TMEM38A: variants seen among roughly 807,000 people sequenced by gnomAD.
TMEM38A encodes the protein transmembrane protein 38A.
Under a neutral mutation model 28.6 loss-of-function variants are expected in TMEM38A, and 17 were observed. That is an observed-to-expected ratio of 0.60 (90% CI 0.41 to 0.89). TMEM38A has a LOEUF of 0.89. Among genes scored for constraint, TMEM38A ranks in the 40% least tolerant of loss-of-function variants. The probability of loss-of-function intolerance (pLI) is 0.00; values close to 1 mark genes in which losing one functional copy is unlikely to be tolerated. For missense variants in TMEM38A, 328 were observed against 393.1 expected, an observed-to-expected ratio of 0.83 and a Z score of 1.40; for synonymous variants, 169 against 166.1, an observed-to-expected ratio of 1.02 and a Z score of -0.14.
intron 4 of TMEM38A, among the ~76,000 whole-genome samples, chr19:16,683,978 A>G (rs1241011958): frequency 6.6e-6 from 1 of 151,382 alleles, no homozygotes; most frequent in Non-Finnish European, 1.5e-5. Flanking sequence ...CTCAAAAAAA[A>G]AAAATTAACT....
chr19:16,685,083 T>TAAATAAATAAATAAATAAAA (rs1568317222), intron 4 of TMEM38A, among the ~76,000 whole-genome samples: 3 of 149,342 alleles, frequency 2.0e-5, no homozygotes, highest in African/African-American at 4.9e-5. Flanking sequence ...AATAAATAAA[T>TAAATAAATAAATAAATAAAA]AAAACGAAAT....
intron 1 of TMEM38A, among the ~76,000 whole-genome samples, chr19:16,673,932 G>GA (rs112749120): frequency 1.2e-3 from 171 of 139,652 alleles, no homozygotes; most frequent in Middle Eastern, 3.8e-3. Flanking sequence ...TACAAAAAAA[G>GA]AAAAAAAAAA....
At chr19:16,681,965 T>C (rs775525914) in intron 3 of TMEM38A, among the ~76,000 whole-genome samples, 1 of 152,180 alleles carries the variant, frequency 6.6e-6, no homozygotes, top group African/African-American at 2.4e-5. Flanking sequence ...GTCTTCTTAT[T>C]GTCTCTCCAG....
intron 5 of TMEM38A, among the ~76,000 whole-genome samples, chr19:16,687,257 G>A (rs1405811397): frequency 4.0e-5 from 6 of 151,724 alleles, no homozygotes; most frequent in African/African-American, 1.5e-4. Flanking sequence ...GCTTGAACCC[G>A]GGAGGTGGAG....
At chr19:16,679,045 A>G (rs2086765904) in intron 1 of TMEM38A, among the ~76,000 whole-genome samples, 1 of 150,960 alleles carries the variant, frequency 6.6e-6, no homozygotes. Flanking sequence ...GCTACTCGGG[A>G]GTCTGAGGCA....
At chr19:16,666,435 T>A (rs183788230) in intron 1 of TMEM38A, among the ~76,000 whole-genome samples, 4,463 of 149,876 alleles carry the variant, frequency 0.03, 104 homozygotes, top group African/African-American at 0.069. Context: ...TTTAAAAAAA[T>A]TTTTTTTTTT....
chr19:16,670,457 T>TA (rs1444765450), intron 1 of TMEM38A, among the ~76,000 whole-genome samples: 7 of 152,066 alleles, frequency 4.6e-5, no homozygotes, highest in Non-Finnish European at 8.8e-5. Flanking sequence ...AGCTGATTTT[T>TA]AAAAAATCCA....
intron 1 of TMEM38A, among the ~76,000 whole-genome samples, chr19:16,671,792 C>T (rs544224596): frequency 7.9e-5 from 12 of 152,334 alleles, no homozygotes; most frequent in South Asian, 2.1e-4. Flanking sequence ...CCCGTCAGAG[C>T]GTAACTCATG....
Position 16,680,402 on chromosome 19 carries a change from T to C in TMEM38A, c.287T>C (p.Leu96Ser). 1 of 1,614,134 alleles carries C rather than the reference T, an allele frequency of 6.2e-7. No individual in the cohort carries two copies. The highest frequency in any genetic ancestry group is 1.1e-5 in the South Asian group (1 of 91,082). The part of the protein sequence containing the change: ...SILLASAVWY[L>S]IFFCPLDLFY... ...CACTGTTCTCTCCCCAAAAGGTACT[T>C]GATTTTCTTCTGCCCCCTGGACCTC... Residue 96 changes from leucine to serine, a missense_variant, in exon 3 of 6, where the codon TTG becomes TCG. Coordinates refer to ENST00000187762, the MANE Select transcript of TMEM38A (RefSeq NM_024074.4).
rs34550977 is a variant in TMEM38A at position 16,671,201 on chromosome 19, C to CTTTTTTTTTTTTT, written c.125-8773_125-8761dup. 6.6e-3 allele frequency among the ~76,000 whole-genome samples: 559 copies of CTTTTTTTTTTTTT among 84,830 alleles called. 37 individuals carry two copies. The highest frequency in any genetic ancestry group is 0.031 in the East Asian group (81 of 2,608). The allele number at this position is 84,830 out of a possible 152,430, so 55.7% of individuals were successfully genotyped here. A position where few individuals can be genotyped will look rare whatever the true frequency, so the allele number is the denominator to read the frequency against. ...GTATGGAAAGGGGAAAGGACCTGGG[C>CTTTTTTTTTTTTT]TTTTTTTTTTTTTTTTTTTTTTGAG... On this transcript the variant is annotated intron_variant, in intron 1 of 5. Coordinates refer to ENST00000187762, the MANE Select transcript of TMEM38A (RefSeq NM_024074.4).
chr19:16,666,538 C>T (rs2086703910), intron 1 of TMEM38A, among the ~76,000 whole-genome samples: 1 of 152,072 alleles, frequency 6.6e-6, no homozygotes, highest in Non-Finnish European at 1.5e-5. Context: ...AAGCAATCCT[C>T]CCACCTCAGC....
In TMEM38A at chr19:16,666,221, C is replaced by T. The variant is rs188724284; in HGVS notation, c.124+4880C>T. 3.5e-3 allele frequency among the ~76,000 whole-genome samples: 538 copies of T among 152,030 alleles called. 2 individuals are homozygous for T. Among genetic ancestry groups the T allele is most frequent in the African/African-American group, 0.012 (510 of 41,482 alleles). ...GTTTCAATCTCTTGACCTCGTGATC[C>T]GCCCACCTTGGCCTCCCAAAGTGCT... On this transcript the variant is annotated intron_variant, in intron 1 of 5. Transcript: ENST00000187762.
rs144806395 is a variant in TMEM38A, at chr19:16,666,641, T to G, written c.124+5300T>G. On this transcript the variant is annotated intron_variant, in intron 1 of 5. Coordinates refer to ENST00000187762, the MANE Select transcript of TMEM38A (RefSeq NM_024074.4). ...GAGTGTGGTCCTCAACTGAGCAGTG[T>G]CAATGTCACCTGGAAGCTGATTAGA... Among the ~76,000 whole-genome samples the G allele has an allele frequency of 8.2e-3, 1,241 of 152,098 alleles. 17 individuals are homozygous for G. The highest frequency in any genetic ancestry group is 0.027 in the African/African-American group (1,113 of 41,488).
intron 1 of TMEM38A, among the ~76,000 whole-genome samples, chr19:16,674,580 A>T (rs1183230996): frequency 6.6e-6 from 1 of 151,922 alleles, no homozygotes; most frequent in African/African-American, 2.4e-5. Flanking sequence ...TGGGCAGATC[A>T]CCTGAGGTCG....
chr19:16,668,846 T>G (rs1458583675), intron 1 of TMEM38A, among the ~76,000 whole-genome samples: 2 of 140,036 alleles, frequency 1.4e-5, no homozygotes, highest in Non-Finnish European at 3.0e-5. Flanking sequence ...TTTTTTTTTT[T>G]GAAATGGACT....
chr19:16,683,510 T>C (rs920619063), intron 4 of TMEM38A, among the ~76,000 whole-genome samples: 10 of 150,830 alleles, frequency 6.6e-5, no homozygotes, highest in Non-Finnish European at 1.0e-4. Flanking sequence ...AGAGGATTAC[T>C]TGAGCCCAGG....
chr19:16,661,228 T>C lies in TMEM38A; in HGVS notation c.11T>C (p.Leu4Pro), dbSNP rs1422842030. The C allele has an allele frequency of 6.4e-7, 1 of 1,563,884 alleles. No individual in the cohort carries two copies. Among genetic ancestry groups the C allele is most frequent in the Admixed American group, 1.8e-5 (1 of 55,106 alleles). The change falls in exon 1 of 6, where the codon CTC (leucine) becomes CCC (proline). Residue 4 changes from leucine to proline, a missense_variant. Transcript: ENST00000187762. This position sits in a 1 kb window ranked among gnomAD's most constrained non-coding sequence, Gnocchi z 6.5. Reference sequence around the variant, plus strand: ...GGGCAGGCGGGCGCCATGGAGCTGCTCTCGGCGCTGAGCCTGGGCGAACTG... The same window carrying C: ...GGGCAGGCGGGCGCCATGGAGCTGCCCTCGGCGCTGAGCCTGGGCGAACTG... Reference protein sequence around the residue: MELLSALSLGELAL... With the variant: MELPSALSLGELAL...
chr19:16,675,401 T>C (rs10417326), intron 1 of TMEM38A, among the ~76,000 whole-genome samples: 24,227 of 151,776 alleles, frequency 0.16, 2,896 homozygotes, highest in East Asian at 0.32. Context: ...CTAATTTTTA[T>C]TGTTGTTGTT....
At chr19:16,679,844 C>G in intron 1 of TMEM38A, 140 bp from the exon 2 acceptor site, 1 of 861,148 alleles carries the variant, frequency 1.2e-6, no homozygotes, top group Non-Finnish European at 1.7e-6. Context: ...CTCTCTGAAC[C>G]TTGGTTCCTC....
Sources: gnomAD v4.1 joint callset for allele counts (sites outside exome capture counted in the v4.1 genomes callset) on GRCh38, gnomAD v4.1.1 for gene constraint, Gnocchi (gnomAD v3.1) non-coding constraint, MANE v1.5 for transcripts, NCBI Gene and HGNC (gene_info 2026-07-23, HGNC 2026-07-21) for gene names.